The following KMT2C variants were observed in gnomAD, a reference collection of about 807,000 sequenced individuals.
The protein encoded by KMT2C is lysine methyltransferase 2C.
In KMT2C, 88 loss-of-function variants were observed where a neutral mutation model predicts 507.9. The observed-to-expected ratio is 0.17, with a 90% confidence interval of 0.15 to 0.21. The LOEUF (loss-of-function observed/expected upper bound fraction) is 0.21. Ranked by LOEUF, KMT2C falls within the 10% of genes least tolerant of loss-of-function variation. KMT2C has a pLI of 1.00. For synonymous variants in KMT2C, 2,049 were observed against 2,080.8 expected (o/e 0.98, Z 0.42); for missense variants, 4,954 against 5,957.8 (o/e 0.83, Z 5.55).
chr7:152,326,737 C>T (rs1019120480), intron 3 of KMT2C, among the ~76,000 whole-genome samples: 8 of 152,036 alleles, frequency 5.3e-5, no homozygotes, highest in African/African-American at 1.9e-4. Flanking sequence ...AAAAATTAGC[C>T]GGGTGTGGTG....
Position 152,162,857 on chromosome 7 carries a change from A to T in KMT2C, c.10720T>A (p.Ser3574Thr), listed in dbSNP as rs773202547. Reference protein sequence around the residue: ...ANSSLPCGQDSTITHGHSYPG... With the variant: ...ANSSLPCGQDTTITHGHSYPG... ...TAACTGTGTCCATGGGTTATAGTAG[A>T]ATCTTGGCCACATGGGAGACTGCTA... Residue 3574 changes from serine to threonine, a missense_variant, in exon 43 of 59, where the codon TCT (serine) becomes ACT (threonine). Ser to Thr is a moderately conservative substitution (Grantham distance 58). Around this residue, in one of 29 missense-constraint regions of KMT2C, gnomAD observed 801 missense variants for 751.2 expected, o/e 1.07. Transcript: ENST00000262189. The T allele has an allele frequency of 9.9e-6, 16 of 1,614,150 alleles. No individual in the cohort carries two copies. The South Asian group carries it at 1.6e-4, about 17-fold the overall frequency.
chr7:152,204,527 T>C (rs1444013582), intron 25 of KMT2C, among the ~76,000 whole-genome samples: 2 of 151,472 alleles, frequency 1.3e-5, no homozygotes, highest in Non-Finnish European at 1.5e-5. Flanking sequence ...AGCTCAGGAG[T>C]GCAAGGCTGC....
At chr7:152,157,327 CAA>C (rs5888464) in intron 44 of KMT2C, among the ~76,000 whole-genome samples, 9 of 58,922 alleles carry the variant, frequency 1.5e-4, no homozygotes, top group Admixed American at 1.8e-4. Context: ...GACCCTGTCT[CAA>C]AAAAAAAAAA....
At chr7:152,260,775 C>T (rs1412772592) in intron 9 of KMT2C, among the ~76,000 whole-genome samples, 10 of 152,152 alleles carry the variant, frequency 6.6e-5, no homozygotes, top group African/African-American at 1.9e-4. Flanking sequence ...ACCAAGACTC[C>T]GAAAGATTGA....
At chr7:152,416,190 G>C (rs1771352755) in intron 1 of KMT2C, among the ~76,000 whole-genome samples, 1 of 152,366 alleles carries the variant, frequency 6.6e-6, no homozygotes, top group African/African-American at 2.4e-5. Context: ...AGGAGTTCAA[G>C]ACCAGCCTGG....
chr7:152,225,301 A>C (rs1180759725), intron 18 of KMT2C, among the ~76,000 whole-genome samples: 1 of 152,216 alleles, frequency 6.6e-6, no homozygotes, highest in East Asian at 1.9e-4. Context: ...CATTATAATA[A>C]AACAGCAAGT....
At chr7:152,369,936 G>A (rs2129240378) in intron 1 of KMT2C, among the ~76,000 whole-genome samples, 1 of 152,288 alleles carries the variant, frequency 6.6e-6, no homozygotes, top group East Asian at 1.9e-4. Context: ...ATAAGGTTGG[G>A]TGCGGTGGCT....
intron 27 of KMT2C, among the ~76,000 whole-genome samples, chr7:152,199,043 T>A (rs1224400195): frequency 6.6e-6 from 1 of 152,186 alleles, no homozygotes; most frequent in Non-Finnish European, 1.5e-5. Context: ...GTAAACCAAA[T>A]GTTTTCCTTC....
In KMT2C at chr7:152,154,291, T is replaced by C. The variant is rs201344694; in HGVS notation, c.12115A>G (p.Ile4039Val). ...CTTTTCCCAGCAGTGCTAGGAAGAATTGGAATGATGGGGGACGGCACCGGT... is the reference window on the plus strand; with the variant it reads ...CTTTTCCCAGCAGTGCTAGGAAGAACTGGAATGATGGGGGACGGCACCGGT... ...PEPVPSPIIP[I>V]LPSTAGKSSE... is the part of the protein sequence containing the mutation. Residue 4039 changes from isoleucine to valine, a missense_variant, in exon 47 of 59, where the codon ATT (isoleucine) becomes GTT (valine). Ile to Val is a conservative substitution (Grantham distance 29). This residue lies in a region of KMT2C where 417 missense variants were observed against 461.1 expected (regional missense o/e 0.90). Coordinates refer to ENST00000262189, the MANE Select transcript of KMT2C (RefSeq NM_170606.3). 38 of 1,614,066 alleles carry C rather than the reference T, an allele frequency of 2.4e-5. No individual in the cohort carries two copies. Among genetic ancestry groups the C allele is most frequent in the Middle Eastern group, 1.6e-4 (1 of 6,084 alleles).
At chr7:152,153,469 T>A (rs1442348835) in intron 48 of KMT2C, among the ~76,000 whole-genome samples, 3 of 152,256 alleles carry the variant, frequency 2.0e-5, no homozygotes, top group South Asian at 4.1e-4. Flanking sequence ...TATAAGCAGA[T>A]GCTACTTGAA....
chr7:152,272,483 C>A (rs75630358), intron 7 of KMT2C, among the ~76,000 whole-genome samples: 1 of 151,842 alleles, frequency 6.6e-6, no homozygotes, highest in South Asian at 2.1e-4. Flanking sequence ...TATTATGCCA[C>A]CCAGAATATA....
intron 1 of KMT2C, among the ~76,000 whole-genome samples, chr7:152,388,133 A>T (rs1409831704): frequency 1.4e-5 from 2 of 145,854 alleles, no homozygotes; most frequent in African/African-American, 2.5e-5. Context: ...TAAAATAAAA[A>T]AATTGTAACC....
chr7:152,413,392 T>A (rs2097701602), intron 1 of KMT2C, among the ~76,000 whole-genome samples: 1 of 152,098 alleles, frequency 6.6e-6, no homozygotes, highest in African/African-American at 2.4e-5. Flanking sequence ...AGATTACAGG[T>A]GTAAGCCACT....
intron 6 of KMT2C, among the ~76,000 whole-genome samples, chr7:152,304,910 G>T (rs531943859): frequency 6.6e-6 from 1 of 152,052 alleles, no homozygotes; most frequent in Non-Finnish European, 1.5e-5. Context: ...ATCGCCCCTA[G>T]GGAAACTTTT....
At chr7:152,340,443 T>G (rs2096980614) in intron 2 of KMT2C, among the ~76,000 whole-genome samples, 1 of 152,182 alleles carries the variant, frequency 6.6e-6, no homozygotes, top group Non-Finnish European at 1.5e-5. Flanking sequence ...GAAGTCTGCC[T>G]CCTGACAGTT....
chr7:152,294,568 C>G (rs571301719), intron 6 of KMT2C, among the ~76,000 whole-genome samples: 1 of 151,914 alleles, frequency 6.6e-6, no homozygotes, highest in African/African-American at 2.4e-5. Flanking sequence ...TTGCAGTATA[C>G]TATCATTACA....
rs2096199788 is a variant in KMT2C, at chr7:152,281,050, T to C, written c.850-7183A>G. Reference sequence around the variant, plus strand: ...AAAGAAAAAGTAATCTCTCTATTTGTAACAACATACATAAATTATAAACCC... The same window carrying C: ...AAAGAAAAAGTAATCTCTCTATTTGCAACAACATACATAAATTATAAACCC... On this transcript the variant is annotated intron_variant, in intron 6 of 58. Transcript: ENST00000262189. 2.0e-5 allele frequency among the ~76,000 whole-genome samples: 3 copies of C among 152,200 alleles called. No homozygotes were observed. The South Asian group carries it at 6.2e-4, about 31-fold the overall frequency.
At chr7:152,373,013 T>C (rs896493571) in intron 1 of KMT2C, among the ~76,000 whole-genome samples, 9 of 152,150 alleles carry the variant, frequency 5.9e-5, no homozygotes, top group African/African-American at 2.2e-4. Context: ...CAAGTATCTT[T>C]CTAACAACAA....
Position 152,181,283 on chromosome 7 carries a change from G to T in KMT2C, c.6577C>A (p.Pro2193Thr). The T allele has an allele frequency of 6.2e-7, 1 of 1,613,794 alleles. No homozygotes were observed. Among genetic ancestry groups the T allele is most frequent in the Non-Finnish European group, 8.5e-7 (1 of 1,179,802 alleles). The change falls in exon 36 of 59, where the codon CCT (proline) becomes ACT (threonine). Residue 2193 changes from proline to threonine, a missense_variant. This residue lies in a region of KMT2C where 1,689 missense variants were observed against 1,654.3 expected (regional missense o/e 1.02). Transcript: ENST00000262189. The part of the protein sequence containing the change: ...PSTQTDLFVT[P>T]VTNQRHSDPY... ...TCAGAATGCCTCTGATTTGTTACAG[G>T]TGTAACAAACAAGTCAGTTTGTGTA...
Sources: gnomAD v4.1 joint callset for allele counts (sites outside exome capture counted in the v4.1 genomes callset) on GRCh38, gnomAD v4.1.1 for gene constraint, gnomAD v4.1.1 regional missense constraint, MANE v1.5 for transcripts, NCBI Gene and HGNC (gene_info 2026-07-23, HGNC 2026-07-21) for gene names.